BICC1: variants seen among roughly 807,000 people sequenced by gnomAD.
BICC1 encodes BicC family RNA binding protein 1.
In BICC1, 43 loss-of-function variants were observed where a neutral mutation model predicts 111.0. The ratio of observed to expected loss-of-function variants is 0.39; its 90% confidence interval spans 0.30 to 0.50. The LOEUF is 0.50. Ranked by LOEUF, BICC1 falls within the 20% of genes least tolerant of loss-of-function variation. BICC1 has a pLI of 0.88. For missense variants in BICC1, 1,091 were observed against 1,203.2 expected, an observed-to-expected ratio of 0.91 and a Z score of 1.38; for synonymous variants, 467 against 434.4, an observed-to-expected ratio of 1.07 and a Z score of -0.93.
At chr10:58,560,796 C>T (rs1373175320) in intron 1 of BICC1, among the ~76,000 whole-genome samples, 1 of 151,834 alleles carries the variant, frequency 6.6e-6, no homozygotes, top group Non-Finnish European at 1.5e-5. Flanking sequence ...CTTAATTTTT[C>T]TTCATCACTC....
chr10:58,806,990 T>C lies in BICC1; in HGVS notation c.2222-14T>C, dbSNP rs774891858. The C allele has an allele frequency of 6.2e-7, 1 of 1,606,498 alleles. No homozygotes were observed. Among genetic ancestry groups the C allele is most frequent in the South Asian group, 1.1e-5 (1 of 89,562 alleles). ...TTAAACATACCAAGCATTGGTTTTATTTTGTTTCCAAAGCTATGTTAAAGA... is the reference window on the plus strand; with the variant it reads ...TTAAACATACCAAGCATTGGTTTTACTTTGTTTCCAAAGCTATGTTAAAGA... On this transcript the variant is annotated splice_polypyrimidine_tract_variant and intron_variant, in intron 16 of 20. Transcript: ENST00000373886.
At chr10:58,790,554 G>A (rs1843145702) in intron 8 of BICC1, among the ~76,000 whole-genome samples, 1 of 152,126 alleles carries the variant, frequency 6.6e-6, no homozygotes, top group Admixed American at 6.6e-5. Context: ...TCGGCCAGGT[G>A]CGGTACCTCA....
chr10:58,678,645 A>C (rs898276049), intron 2 of BICC1, among the ~76,000 whole-genome samples: 1 of 152,198 alleles, frequency 6.6e-6, no homozygotes, highest in Non-Finnish European at 1.5e-5. Context: ...AAAATTAACA[A>C]GGATATTCAG....
intron 1 of BICC1, among the ~76,000 whole-genome samples, chr10:58,579,865 A>T (rs1344658299): frequency 8.8e-6 from 1 of 114,166 alleles, no homozygotes; most frequent in East Asian, 2.6e-4. Context: ...GCTTTTTTGG[A>T]TTATTCATTT....
At chr10:58,676,153 C>T (rs1228852012) in intron 2 of BICC1, among the ~76,000 whole-genome samples, 1 of 152,146 alleles carries the variant, frequency 6.6e-6, no homozygotes, top group African/African-American at 2.4e-5. Context: ...CCCTAGGGTG[C>T]CTACACCACC....
At chr10:58,592,875 CAAAAA>C (rs969508229) in intron 1 of BICC1, among the ~76,000 whole-genome samples, 127 of 46,666 alleles carry the variant, frequency 2.7e-3, no homozygotes, top group African/African-American at 8.4e-3. Context: ...GACTCCGTCT[CAAAAA>C]AAAAAAAAAA....
Position 58,813,864 on chromosome 10 carries a change from G to A in BICC1, c.2411G>A (p.Arg804His), listed in dbSNP as rs372894085. Residue 804 changes from arginine (R) to histidine (H), a missense_variant, in exon 18 of 21, where the codon CGT becomes CAT. By Grantham distance (29) the Arg-to-His change is conservative. Coordinates refer to ENST00000373886, the MANE Select transcript of BICC1 (RefSeq NM_001080512.3). ...SSMSLSRSNS[R>H]EHLGGGSESD... Reference sequence around the variant, plus strand: ...ATGTCCCTTTCACGGTCCAACAGTCGTGAGCACTTGGGAGGTGGAAGCGAA... The same window carrying A: ...ATGTCCCTTTCACGGTCCAACAGTCATGAGCACTTGGGAGGTGGAAGCGAA... The A allele has an allele frequency of 7.2e-5, 116 of 1,613,834 alleles. No individual in the cohort carries two copies. The highest frequency in any genetic ancestry group is 3.2e-4 in the African/African-American group (24 of 74,920).
intron 1 of BICC1, among the ~76,000 whole-genome samples, chr10:58,566,905 A>G (rs1843781993): frequency 6.6e-6 from 1 of 152,184 alleles, no homozygotes; most frequent in African/African-American, 2.4e-5. Context: ...GCTAACCAGA[A>G]GTGACACAGT....
intron 3 of BICC1, among the ~76,000 whole-genome samples, chr10:58,748,333 G>A (rs1313063694): frequency 6.6e-6 from 1 of 151,960 alleles, no homozygotes; most frequent in African/African-American, 2.4e-5. Flanking sequence ...ATAGTATAAT[G>A]CTATACTATA....
rs1009663720 is a variant in BICC1 at position 58,796,544 on chromosome 10, A to G, written c.1366+18A>G. The G allele has an allele frequency of 1.3e-6, 2 of 1,594,344 alleles. No homozygotes were observed. The highest frequency in any genetic ancestry group is 2.7e-5 in the African/African-American group (2 of 74,360). ...TGGACTAGGTATACAATTTATTATT[A>G]CAGCGCGTCTCAGTCACTGGGGAAA... On this transcript the variant is annotated intron_variant, in intron 10 of 20. Coordinates refer to ENST00000373886, the MANE Select transcript of BICC1 (RefSeq NM_001080512.3).
At chr10:58,641,178 T>C (rs1838110838) in intron 2 of BICC1, among the ~76,000 whole-genome samples, 1 of 152,220 alleles carries the variant, frequency 6.6e-6, no homozygotes, top group Admixed American at 6.5e-5. Flanking sequence ...GTAAATAATT[T>C]CTTTTTATAG....
At chr10:58,624,185 T>C (rs1845913892) in intron 2 of BICC1, among the ~76,000 whole-genome samples, 1 of 152,192 alleles carries the variant, frequency 6.6e-6, no homozygotes. Flanking sequence ...TGGCATTTTC[T>C]CTGTGTGCCT....
At chr10:58,677,038 A>T (rs1839367493) in intron 2 of BICC1, among the ~76,000 whole-genome samples, 1 of 152,206 alleles carries the variant, frequency 6.6e-6, no homozygotes, top group South Asian at 2.1e-4. Context: ...CAAAAACCCC[A>T]TCTGAAGGTC....
chr10:58,734,633 G>A (rs1478404481), intron 3 of BICC1, among the ~76,000 whole-genome samples: 3 of 152,102 alleles, frequency 2.0e-5, no homozygotes, highest in Admixed American at 6.6e-5. Flanking sequence ...CAGGAAATTG[G>A]TGGTAATCTT....
rs1412830820 is a variant in BICC1, at chr10:58,540,329, G to C, written c.190+26996G>C. Among the ~76,000 whole-genome samples the C allele has an allele frequency of 4.0e-5, 6 of 151,042 alleles. No individual in the cohort carries two copies. The East Asian group carries it at 1.2e-3, about 29-fold the overall frequency. On this transcript the variant is annotated intron_variant, in intron 1 of 20. Transcript: ENST00000373886. ...TAAAAAAAAAAGGCTATGAAACTAA[G>C]AGTTGGTTTCTTAAAAAGATCAACA...
At chr10:58,540,126 T>C (rs918200156) in intron 1 of BICC1, among the ~76,000 whole-genome samples, 1 of 151,456 alleles carries the variant, frequency 6.6e-6, no homozygotes, top group Non-Finnish European at 1.5e-5. Flanking sequence ...GCAAAAGCAG[T>C]AGTAAGAGGG....
At chr10:58,747,965 A>G (rs1231887719) in intron 3 of BICC1, among the ~76,000 whole-genome samples, 1 of 152,150 alleles carries the variant, frequency 6.6e-6, no homozygotes, top group African/African-American at 2.4e-5. Flanking sequence ...AGCCAAGTCC[A>G]AATGGCCTAC....
intron 17 of BICC1, among the ~76,000 whole-genome samples, chr10:58,811,448 T>C (rs1196869332): frequency 2.0e-5 from 3 of 152,196 alleles, no homozygotes; most frequent in Non-Finnish European, 4.4e-5. Flanking sequence ...GATATACAAA[T>C]AATAAAGATA....
intron 1 of BICC1, among the ~76,000 whole-genome samples, chr10:58,534,587 C>A (rs1470631093): frequency 6.6e-6 from 1 of 151,160 alleles, no homozygotes; most frequent in East Asian, 1.9e-4. Flanking sequence ...AAATAAAAAC[C>A]CCAGTTAAAT....
Sources: gnomAD v4.1 joint callset for allele counts (sites outside exome capture counted in the v4.1 genomes callset) on GRCh38, gnomAD v4.1.1 for gene constraint, MANE v1.5 for transcripts, NCBI Gene and HGNC (gene_info 2026-07-23, HGNC 2026-07-21) for gene names.